The following PDE8A variants were observed in gnomAD, a reference collection of about 807,000 sequenced individuals.
PDE8A encodes the protein phosphodiesterase 8A.
A neutral mutation model predicts 105.0 loss-of-function variants in PDE8A; 59 were observed. The ratio of observed to expected loss-of-function variants is 0.56; its 90% confidence interval spans 0.46 to 0.70. The LOEUF (loss-of-function observed/expected upper bound fraction) is 0.70. PDE8A is among the 30% of genes least tolerant of loss of function. The pLI is 0.00. For missense variants in PDE8A, 1,014 were observed against 1,045.9 expected (o/e 0.97, Z 0.42); for synonymous variants, 355 against 371.9 (o/e 0.95, Z 0.52).
At chr15:85,069,802 A>G (rs1973516) in intron 3 of PDE8A, among the ~76,000 whole-genome samples, 27,844 of 152,168 alleles carry the variant, frequency 0.18, 3,144 homozygotes, top group East Asian at 0.37. Flanking sequence ...AAGAATCTCA[A>G]GTGTTTCTCA....
At chr15:85,052,721 T>C (rs1486471746) in intron 1 of PDE8A, among the ~76,000 whole-genome samples, 3 of 152,208 alleles carry the variant, frequency 2.0e-5, no homozygotes, top group Non-Finnish European at 4.4e-5. Context: ...TTCTGGATAT[T>C]AGCCCTTTGT....
At chr15:85,066,984 A>T (rs747961352) in intron 2 of PDE8A, 30 bp from the exon 3 acceptor site, 24 of 1,490,422 alleles carry the variant, frequency 1.6e-5, no homozygotes, top group Non-Finnish European at 1.9e-5. Flanking sequence ...ATCTTTTTTT[A>T]AAAAAAGTGT....
At chr15:85,045,117 TC>T (rs537151796) in intron 1 of PDE8A, among the ~76,000 whole-genome samples, 260 of 152,306 alleles carry the variant, frequency 1.7e-3, no homozygotes, top group Middle Eastern at 6.8e-3. Flanking sequence ...GTTGGCTACT[TC>T]CTGTCATTCA....
In PDE8A at chr15:84,982,053, C is replaced by T. The variant is rs995001811; in HGVS notation, c.-110C>T. 1.8e-4 allele frequency: 99 copies of T among 549,720 alleles called. No homozygotes were observed. In the Admixed American group the frequency reaches 3.8e-3, roughly 21 times the overall value. 34.1% of individuals were successfully genotyped at this position (549,720 alleles called of 1,614,324 possible). A position where few individuals can be genotyped will look rare whatever the true frequency, so the allele number is the denominator to read the frequency against. ...CGCGAGATCCGCGCTCGCCGCCGCC[C>T]GCCCAGGCGGCGATGACACGGCGCC... On this transcript the variant is annotated 5_prime_UTR_variant, in exon 1 of 22. Coordinates refer to ENST00000394553, the MANE Select transcript of PDE8A (RefSeq NM_002605.3).
At chr15:85,065,454 C>T (rs984036721) in intron 2 of PDE8A, among the ~76,000 whole-genome samples, 5 of 146,390 alleles carry the variant, frequency 3.4e-5, no homozygotes, top group African/African-American at 5.1e-5. Flanking sequence ...GCACAATGTG[C>T]ACATGTACCC....
intron 1 of PDE8A, among the ~76,000 whole-genome samples, chr15:84,996,823 CAAAAAAAAAAAA>C (rs34363361): frequency 3.3e-4 from 18 of 53,830 alleles, no homozygotes; most frequent in African/African-American, 9.1e-4. Flanking sequence ...AAGACTCTCT[CAAAAAAAAAAAA>C]AAAAAAAAAA....
chr15:84,998,880 T>C (rs953600399), intron 1 of PDE8A, among the ~76,000 whole-genome samples: 1 of 152,174 alleles, frequency 6.6e-6, no homozygotes, highest in African/African-American at 2.4e-5. Context: ...AACACCTCTA[T>C]GGAGATAATT....
At position 85,089,352 on chromosome 15, in the gene PDE8A, T is replaced by C; in HGVS notation, c.650T>C (p.Val217Ala). The change falls in exon 7 of 22, where the codon GTA becomes GCA. Residue 217 changes from valine (V) to alanine (A), a missense_variant. Val to Ala is a moderately conservative substitution (Grantham distance 64). Transcript: ENST00000394553. The part of the protein sequence containing the change: ...SQLKLRACNS[V>A]FTALENSEDA... ...TACTCATAAAGGGCTTGTAACTCAG[T>C]ATTCACTGCATTAGAAAACAGTGAA... 1 of 1,572,690 alleles carries C rather than the reference T, an allele frequency of 6.4e-7. No homozygotes were observed. The highest frequency in any genetic ancestry group is 8.7e-7 in the Non-Finnish European group (1 of 1,144,812).
At chr15:84,999,044 T>A (rs1445463582) in intron 1 of PDE8A, among the ~76,000 whole-genome samples, 1 of 152,092 alleles carries the variant, frequency 6.6e-6, no homozygotes, top group Non-Finnish European at 1.5e-5. Flanking sequence ...TTGAACTCCA[T>A]AGTAGGTATT....
rs759298364 is a variant in PDE8A at position 84,982,142 on chromosome 15, G to A, written c.-21G>A. 12 of 1,308,984 alleles carry A rather than the reference G, an allele frequency of 9.2e-6. No homozygotes were observed. In the Admixed American group the frequency reaches 1.1e-4, roughly 12 times the overall value. The allele number at this position is 1,308,984 out of a possible 1,614,324, so 81.1% of individuals were successfully genotyped here. ...CCGGATCGCGGCTACCCGCCAGCGTGTCCGCGGCGCCGCCGCCAGCATGGG... is the reference window on the plus strand; with the variant it reads ...CCGGATCGCGGCTACCCGCCAGCGTATCCGCGGCGCCGCCGCCAGCATGGG... On this transcript the variant is annotated 5_prime_UTR_variant, in exon 1 of 22. Transcript: ENST00000394553.
chr15:85,084,519 T>G (rs1213631505), intron 6 of PDE8A, among the ~76,000 whole-genome samples: 1 of 152,160 alleles, frequency 6.6e-6, no homozygotes, highest in Non-Finnish European at 1.5e-5. Flanking sequence ...GGGCCTGCTT[T>G]TTTCCCACTC....
chr15:85,075,962 A>G, intron 4 of PDE8A, 44 bp downstream of exon 4: 1 of 1,092,220 alleles, frequency 9.2e-7, no homozygotes, highest in Non-Finnish European at 1.4e-6. Flanking sequence ...GTACCAGTGT[A>G]ATACTTGCTC....
chr15:84,986,008 A>G (rs1266172069), intron 1 of PDE8A, among the ~76,000 whole-genome samples: 3 of 152,132 alleles, frequency 2.0e-5, no homozygotes, highest in South Asian at 4.1e-4. Flanking sequence ...AAGGATTGCT[A>G]GAGCCCAGGA....
chr15:85,085,428 G>A (rs1043254989), intron 6 of PDE8A, among the ~76,000 whole-genome samples: 1 of 152,210 alleles, frequency 6.6e-6, no homozygotes, highest in South Asian at 2.1e-4. Context: ...GGCCGGGCAC[G>A]GTGGCTCATG....
At chr15:85,086,302 T>C (rs2081551737) in intron 6 of PDE8A, among the ~76,000 whole-genome samples, 1 of 152,242 alleles carries the variant, frequency 6.6e-6, no homozygotes, top group Non-Finnish European at 1.5e-5. Context: ...AGCCACATTT[T>C]ATAAAGGAAG....
At chr15:85,039,746 A>G (rs745895248) in intron 1 of PDE8A, among the ~76,000 whole-genome samples, 2 of 152,262 alleles carry the variant, frequency 1.3e-5, no homozygotes, top group Non-Finnish European at 1.5e-5. Flanking sequence ...AAAAAATGCA[A>G]TATATACATG....
intron 20 of PDE8A, among the ~76,000 whole-genome samples, chr15:85,130,683 T>G (rs906882202): frequency 3.9e-5 from 6 of 152,240 alleles, no homozygotes; most frequent in African/African-American, 1.4e-4. Flanking sequence ...AAGTATCTGT[T>G]TCTTCCTTCA....
chr15:85,117,587 C>T, intron 16 of PDE8A, 54 bp from the exon 17 acceptor site: 1 of 1,475,090 alleles, frequency 6.8e-7, no homozygotes, highest in Non-Finnish European at 9.5e-7. Context: ...GCCTTAAACA[C>T]TTGGCCTGTT....
chr15:85,067,816 T>G (rs1469308300), intron 3 of PDE8A, among the ~76,000 whole-genome samples: 2 of 152,196 alleles, frequency 1.3e-5, no homozygotes, highest in African/African-American at 4.8e-5. Context: ...TGACAACATA[T>G]TAAAAGATTA....
Sources: allele counts gnomAD v4.1 joint callset (sites outside exome capture counted in the v4.1 genomes callset), GRCh38; gene constraint gnomAD v4.1.1; transcripts MANE v1.5; gene names NCBI Gene and HGNC (gene_info 2026-07-23, HGNC 2026-07-21).